The following INPP4B variants were observed in gnomAD, a reference collection of about 807,000 sequenced individuals.
INPP4B encodes the protein inositol polyphosphate 4-phosphatase type II.
INPP4B carries 55 observed loss-of-function variants against 122.5 expected under a neutral mutation model. The ratio of observed to expected loss-of-function variants is 0.45; its 90% CI spans 0.36 to 0.56. The LOEUF is 0.56. Among genes scored for constraint, INPP4B ranks in the 20% least tolerant of loss-of-function variants. INPP4B has a pLI of 0.00. For missense variants in INPP4B, 1,000 were observed against 1,097.7 expected (o/e 0.91, Z 1.26); for synonymous variants, 403 against 388.7 (o/e 1.04, Z -0.43).
chr4:142,651,142 G>A (rs115739489), intron 2 of INPP4B, among the ~76,000 whole-genome samples: 1,751 of 152,084 alleles, frequency 0.012, 31 homozygotes, highest in African/African-American at 0.032. Context: ...ACAAAATTAA[G>A]GAAGAAATAA....
At chr4:142,601,893 C>T (rs112478447) in intron 2 of INPP4B, among the ~76,000 whole-genome samples, 18 of 146,940 alleles carry the variant, frequency 1.2e-4, no homozygotes, top group African/African-American at 2.6e-4. Flanking sequence ...GGCGTGAACC[C>T]GGGAGGCGGA....
In INPP4B at chr4:142,197,083, G is replaced by A. The variant is rs1258175134; in HGVS notation, c.1073-3888C>T. On this transcript the variant is annotated intron_variant, in intron 14 of 25. Transcript: ENST00000262992. Reference sequence around the variant, plus strand: ...AGAGGTTGCAGTGAGCCGAGATCGCGCCATTGCACTCCAGCCTGGGCAATA... The same window carrying A: ...AGAGGTTGCAGTGAGCCGAGATCGCACCATTGCACTCCAGCCTGGGCAATA... 6.7e-5 allele frequency among the ~76,000 whole-genome samples: 8 copies of A among 119,070 alleles called. No homozygotes were observed. In the South Asian group the frequency reaches 1.9e-3, roughly 29 times the overall value. 78.1% of individuals were successfully genotyped at this position (119,070 alleles called of 152,430 possible).
intron 2 of INPP4B, among the ~76,000 whole-genome samples, chr4:142,591,832 A>G (rs932840393): frequency 6.6e-6 from 1 of 152,212 alleles, no homozygotes; most frequent in Non-Finnish European, 1.5e-5. Flanking sequence ...GACATTCTAC[A>G]AAGAGCCTGA....
chr4:142,216,396 C>T (rs936743117), intron 12 of INPP4B, among the ~76,000 whole-genome samples: 6 of 152,302 alleles, frequency 3.9e-5, no homozygotes, highest in African/African-American at 1.4e-4. Flanking sequence ...CTTCCATCTG[C>T]TCCATTTCCC....
intron 2 of INPP4B, among the ~76,000 whole-genome samples, chr4:142,665,955 G>A (rs1161919796): frequency 1.3e-5 from 2 of 152,106 alleles, no homozygotes; most frequent in Non-Finnish European, 2.9e-5. Flanking sequence ...AGGAATAGTA[G>A]AGATTAGAAA....
intron 7 of INPP4B, among the ~76,000 whole-genome samples, chr4:142,377,321 AAAGTT>A (rs1055626892): frequency 1.6e-4 from 24 of 151,634 alleles, no homozygotes; most frequent in African/African-American, 5.1e-4. Flanking sequence ...GATTGTGAGG[AAAGTT>A]AAAAAAAAAA....
chr4:142,096,854 C>T (rs888370517), intron 23 of INPP4B, among the ~76,000 whole-genome samples: 1 of 152,068 alleles, frequency 6.6e-6, no homozygotes, highest in Admixed American at 6.6e-5. Context: ...GGTGGAGCAG[C>T]AGCATATAAA....
chr4:142,743,848 A>G, intron 1 of INPP4B, among the ~76,000 whole-genome samples: 1 of 151,960 alleles, frequency 6.6e-6, no homozygotes, highest in Middle Eastern at 3.2e-3. Flanking sequence ...CCTGGGATAC[A>G]TGAGTTCAAG....
chr4:142,759,825 TAAAA>T lies in INPP4B; in HGVS notation c.-253-33928_-253-33925del, dbSNP rs70949188. On this transcript the variant is annotated intron_variant, in intron 1 of 25. Transcript: ENST00000262992. ...CCCAGAGCTTATATAGAGCTTTTTC[TAAAA>T]AAAAAAAAAAAAAAAAAAAAAAAAT... Among the ~76,000 whole-genome samples, 58 of 70,042 alleles carry T rather than the reference TAAAA, an allele frequency of 8.3e-4. 1 individual carries two copies. The East Asian group carries it at 8.5e-3, about 10-fold the overall frequency. 46.0% of individuals were successfully genotyped at this position (70,042 alleles called of 152,430 possible).
At position 142,455,528 on chromosome 4, in the gene INPP4B, G is replaced by A. The variant is rs560812183; in HGVS notation, c.-127+7135C>T. 2.0e-5 allele frequency among the ~76,000 whole-genome samples: 3 copies of A among 152,074 alleles called. No homozygotes were observed. The East Asian group carries it at 5.8e-4, about 29-fold the overall frequency. ...TTATGGCTGAAGAGTACTCCATTGT[G>A]TATATGTACCACATTTTCTTTATCC... On this transcript the variant is annotated intron_variant, in intron 3 of 25. Transcript: ENST00000262992.
At chr4:142,259,791 T>C (rs2150369779) in intron 11 of INPP4B, among the ~76,000 whole-genome samples, 1 of 152,244 alleles carries the variant, frequency 6.6e-6, no homozygotes, top group South Asian at 2.1e-4. Context: ...TTTTCTTTTT[T>C]TTTACTTTTT....
intron 18 of INPP4B, among the ~76,000 whole-genome samples, chr4:142,127,678 T>C (rs1456850774): frequency 6.6e-6 from 1 of 152,216 alleles, no homozygotes; most frequent in Non-Finnish European, 1.5e-5. Flanking sequence ...AAGCATTAAT[T>C]ATGAATGAGA....
At chr4:142,400,523 G>A (rs1316818148) in intron 7 of INPP4B, among the ~76,000 whole-genome samples, 1 of 152,062 alleles carries the variant, frequency 6.6e-6, no homozygotes, top group African/African-American at 2.4e-5. Flanking sequence ...CTTAAGAAAT[G>A]AAAGAAAGGG....
At chr4:142,380,971 C>A (rs1793889855) in intron 7 of INPP4B, among the ~76,000 whole-genome samples, 1 of 152,094 alleles carries the variant, frequency 6.6e-6, no homozygotes, top group South Asian at 2.1e-4. Context: ...ATTATATCAC[C>A]TCATGTGGAT....
At position 142,845,105 on chromosome 4, in the gene INPP4B, A is replaced by G. The variant is rs1480264797; in HGVS notation, c.-254+1104T>C. 2.0e-5 allele frequency among the ~76,000 whole-genome samples: 3 copies of G among 152,174 alleles called. No individual in the cohort carries two copies. The East Asian group carries it at 5.8e-4, about 29-fold the overall frequency. ...AAAGGAGTAAATTTACATCCTTAAAACAAGAGTAATAGAAAACCCTACCGG... is the reference window on the plus strand; with the variant it reads ...AAAGGAGTAAATTTACATCCTTAAAGCAAGAGTAATAGAAAACCCTACCGG... On this transcript the variant is annotated intron_variant, in intron 1 of 25. Coordinates refer to ENST00000262992, the MANE Select transcript of INPP4B (RefSeq NM_001101669.3).
chr4:142,356,712 C>T (rs1783728436), intron 7 of INPP4B, among the ~76,000 whole-genome samples: 1 of 151,742 alleles, frequency 6.6e-6, no homozygotes, highest in Non-Finnish European at 1.5e-5. Context: ...CAGTTCCTGA[C>T]ATAGAGCTTC....
chr4:142,460,456 T>G (rs964924409), intron 3 of INPP4B, among the ~76,000 whole-genome samples: 2 of 152,200 alleles, frequency 1.3e-5, no homozygotes, highest in African/African-American at 4.8e-5. Flanking sequence ...GATGGGTGAT[T>G]ATTCAATCCG....
At chr4:142,602,626 C>A (rs192890125) in intron 2 of INPP4B, among the ~76,000 whole-genome samples, 14 of 152,304 alleles carry the variant, frequency 9.2e-5, no homozygotes, top group Non-Finnish European at 1.9e-4. Flanking sequence ...CTCAACATCA[C>A]TGATCATTAG....
chr4:142,378,997 T>A (rs72724535), intron 7 of INPP4B, among the ~76,000 whole-genome samples: 4 of 152,254 alleles, frequency 2.6e-5, no homozygotes, highest in Non-Finnish European at 5.9e-5. Context: ...TTGTGGTGAG[T>A]TAGCTCTTGT....
Sources: allele counts gnomAD v4.1 joint callset (sites outside exome capture counted in the v4.1 genomes callset), GRCh38; gene constraint gnomAD v4.1.1; transcripts MANE v1.5; gene names NCBI Gene and HGNC (gene_info 2026-07-23, HGNC 2026-07-21).